Variants in DLGAP4 observed in about 807,000 individuals in gnomAD.
The protein encoded by DLGAP4 is disks large-associated protein 4.
DLGAP4 carries 18 observed loss-of-function variants against 86.9 expected under a neutral mutation model. That is an observed-to-expected ratio of 0.21 (90% CI 0.14 to 0.31). DLGAP4 has a LOEUF of 0.31. DLGAP4 is among the 10% of genes least tolerant of loss of function. The pLI, the probability that DLGAP4 is intolerant of heterozygous loss-of-function variation, is 1.00. For synonymous variants in DLGAP4, 548 were observed against 574.3 expected, an observed-to-expected ratio of 0.95 and a Z score of 0.65; for missense variants, 1,085 against 1,362.6, an observed-to-expected ratio of 0.80 and a Z score of 3.21.
chr20:36,344,604 G>A (rs981997007), intron 1 of DLGAP4, among the ~76,000 whole-genome samples: 2 of 152,064 alleles, frequency 1.3e-5, no homozygotes, highest in African/African-American at 4.8e-5. Context: ...CTCCCTACCT[G>A]TCCCCAGGTA....
intron 3 of DLGAP4, among the ~76,000 whole-genome samples, chr20:36,435,570 T>C (rs940039458): frequency 6.6e-6 from 1 of 152,208 alleles, no homozygotes; most frequent in African/African-American, 2.4e-5. Flanking sequence ...GGGAAGCACC[T>C]CTGCTCTCTG....
intron 7 of DLGAP4, among the ~76,000 whole-genome samples, chr20:36,472,126 T>A (rs1207889666): frequency 1.3e-5 from 2 of 152,180 alleles, no homozygotes; most frequent in African/African-American, 4.8e-5. Flanking sequence ...TTGCAGCTCC[T>A]TTTTTAGCTC....
At position 36,524,239 on chromosome 20, in the gene DLGAP4, C is replaced by A. The variant is rs1281993851; in HGVS notation, c.2513-11C>A. The A allele has an allele frequency of 6.2e-7, 1 of 1,613,012 alleles. No homozygotes were observed. Among genetic ancestry groups the A allele is most frequent in the South Asian group, 1.1e-5 (1 of 91,066 alleles). ...TGCTAAATCAGTCTTTTTCCACCCT[C>A]TGTTTCTCAGTCTTAGGAAAAGTCC... On this transcript the variant is annotated splice_polypyrimidine_tract_variant and intron_variant, in intron 10 of 12. Coordinates refer to ENST00000339266, the MANE Select transcript of DLGAP4 (RefSeq NM_001365621.2).
intron 7 of DLGAP4, among the ~76,000 whole-genome samples, chr20:36,462,904 A>C (rs764083914): frequency 6.9e-6 from 1 of 145,080 alleles, no homozygotes; most frequent in African/African-American, 2.5e-5. Flanking sequence ...AGGCCGGGCT[A>C]TTTTGGAGCC....
chr20:36,338,176 C>T (rs1569461604), intron 1 of DLGAP4, among the ~76,000 whole-genome samples: 1 of 152,190 alleles, frequency 6.6e-6, no homozygotes, highest in African/African-American at 2.4e-5. Context: ...GTGGGGAGCT[C>T]TGTCTGCTGA....
chr20:36,507,286 G>A lies in DLGAP4; in HGVS notation c.2512+6675G>A, dbSNP rs143399782. Among the ~76,000 whole-genome samples the A allele has an allele frequency of 1.6e-3, 241 of 152,160 alleles. 9 individuals are homozygous for A. In the East Asian group the frequency reaches 0.037, roughly 23 times the overall value. On this transcript the variant is annotated intron_variant, in intron 10 of 12. Transcript: ENST00000339266. ...TCTGTTGCCCAGGCTGGAGTGCAGT[G>A]GTACAATTTCGGCTCACCACAACCT...
At chr20:36,519,199 C>T (rs1309897294) in intron 10 of DLGAP4, among the ~76,000 whole-genome samples, 8 of 151,918 alleles carry the variant, frequency 5.3e-5, no homozygotes, top group South Asian at 2.1e-4. Context: ...GGATTGCGCA[C>T]GCACAGAAGG....
intron 7 of DLGAP4, among the ~76,000 whole-genome samples, chr20:36,470,470 G>A (rs185407117): frequency 4.7e-4 from 71 of 152,110 alleles, no homozygotes; most frequent in Non-Finnish European, 7.9e-4. Flanking sequence ...CTAGGAAGAG[G>A]CATCTCTGGA....
At chr20:36,451,384 T>G (rs951487455) in intron 7 of DLGAP4, among the ~76,000 whole-genome samples, 1 of 152,200 alleles carries the variant, frequency 6.6e-6, no homozygotes, top group Non-Finnish European at 1.5e-5. Flanking sequence ...AGTCTCGCTC[T>G]CTGTCGCCCA....
chr20:36,335,542 G>A (rs968045312), intron 1 of DLGAP4, among the ~76,000 whole-genome samples: 4 of 152,124 alleles, frequency 2.6e-5, no homozygotes, highest in Admixed American at 2.6e-4. Flanking sequence ...CGAGACTGTG[G>A]GGATCAAGCG....
chr20:36,365,899 C>T (rs993103085), intron 1 of DLGAP4, among the ~76,000 whole-genome samples: 8 of 152,170 alleles, frequency 5.3e-5, no homozygotes, highest in African/African-American at 1.9e-4. Context: ...GTTCAAATCC[C>T]GACCTACCAC....
chr20:36,374,785 T>G (rs1175368935), intron 2 of DLGAP4, among the ~76,000 whole-genome samples: 4 of 152,246 alleles, frequency 2.6e-5, no homozygotes, highest in Admixed American at 1.3e-4. Context: ...TCACTCTCCA[T>G]TTTCTGCACT....
intron 2 of DLGAP4, among the ~76,000 whole-genome samples, chr20:36,389,071 AGCAGGTTT>A (rs1455967121): frequency 2.0e-5 from 3 of 152,178 alleles, no homozygotes; most frequent in Non-Finnish European, 4.4e-5. Context: ...GACCGGGAAG[AGCAGGTTT>A]GCAGGGTCAG....
rs114057997 is a variant in DLGAP4, at chr20:36,378,757, G to A, written c.-73+11482G>A. ...CAAGGCCTGGGCTCTCTGCAGGCCT[G>A]GCTGGAGGCAGAGTGCAGGAGACGC... On this transcript the variant is annotated intron_variant, in intron 2 of 12. Transcript: ENST00000339266. 9.2e-3 allele frequency among the ~76,000 whole-genome samples: 1,403 copies of A among 152,190 alleles called. 32 individuals carry two copies. Among genetic ancestry groups the A allele is most frequent in the African/African-American group, 0.032 (1,344 of 41,514 alleles).
intron 1 of DLGAP4, among the ~76,000 whole-genome samples, chr20:36,310,170 CA>C (rs1184170088): frequency 6.0e-5 from 3 of 49,820 alleles, no homozygotes; most frequent in Admixed American, 2.6e-4. Flanking sequence ...CCTGTCTCTA[CA>C]AAAAAAAAAA....
At chr20:36,438,080 A>G (rs2033338041) in intron 4 of DLGAP4, among the ~76,000 whole-genome samples, 1 of 152,124 alleles carries the variant, frequency 6.6e-6, no homozygotes, top group Non-Finnish European at 1.5e-5. Context: ...ATTTTTTTAA[A>G]TAATTTTTTG....
At chr20:36,326,857 A>AT (rs1430757054) in intron 1 of DLGAP4, among the ~76,000 whole-genome samples, 13 of 150,644 alleles carry the variant, frequency 8.6e-5, no homozygotes, top group South Asian at 2.1e-4. Flanking sequence ...AAGTTAACAG[A>AT]TTTTTTTTTC....
At chr20:36,473,143 C>T (rs1322276428) in intron 7 of DLGAP4, 1 of 152,262 alleles carries the variant, frequency 6.6e-6, no homozygotes, top group Non-Finnish European at 1.5e-5. Flanking sequence ...CCAAACCCAG[C>T]TTTCACAGAG....
At chr20:36,436,843 A>G (rs2147553635) in intron 4 of DLGAP4, among the ~76,000 whole-genome samples, 1 of 151,892 alleles carries the variant, frequency 6.6e-6, no homozygotes, top group East Asian at 1.9e-4. Context: ...AGAAAGAAAA[A>G]GAAAAGCCCC....
Sources: allele counts gnomAD v4.1 joint callset (sites outside exome capture counted in the v4.1 genomes callset), GRCh38; gene constraint gnomAD v4.1.1; transcripts MANE v1.5; gene names NCBI Gene and HGNC (gene_info 2026-07-23, HGNC 2026-07-21).